Variants in SNRNP70 observed in about 807,000 individuals in gnomAD.
SNRNP70 encodes the protein small nuclear ribonucleoprotein U1 subunit 70.
SNRNP70 carries 8 observed loss-of-function variants against 50.5 expected under a neutral mutation model. That is an observed-to-expected ratio of 0.16 (90% CI 0.09 to 0.29). SNRNP70 has a LOEUF of 0.29. Among genes scored for constraint, SNRNP70 ranks in the 10% least tolerant of loss-of-function variants. The pLI, the probability that SNRNP70 is intolerant of heterozygous loss-of-function variation, is 1.00. For missense variants in SNRNP70, 529 were observed against 663.5 expected (o/e 0.80, Z 2.23); for synonymous variants, 320 against 252.9 (o/e 1.27, Z -2.52).
intron 7 of SNRNP70, 130 bp downstream of exon 7, chr19:49,101,601 CTG>C (rs2040587867): frequency 3.2e-6 from 2 of 618,180 alleles, no homozygotes; most frequent in African/African-American, 1.9e-5. Context: ...CCTCCTCCCT[CTG>C]TTTCTGATGT....
chr19:49,088,931 T>A (rs1038527304), intron 2 of SNRNP70, among the ~76,000 whole-genome samples: 5 of 152,184 alleles, frequency 3.3e-5, no homozygotes, highest in African/African-American at 9.7e-5. Context: ...TCACTGGCAC[T>A]CATAAGCAGG....
chr19:49,095,879 G>A (rs1306983495), intron 4 of SNRNP70, among the ~76,000 whole-genome samples: 1 of 150,430 alleles, frequency 6.6e-6, no homozygotes, highest in African/African-American at 2.4e-5. Context: ...GCATTTCCAG[G>A]CACATAGTAG....
In SNRNP70 at chr19:49,108,394, G is replaced by A. The variant is rs746059233; in HGVS notation, c.1265G>A (p.Gly422Asp). Residue 422 changes from glycine to aspartate, a missense_variant, in exon 10 of 10, where the codon GGC (glycine) becomes GAC (aspartate). Gly to Asp is a moderately conservative substitution (Grantham distance 94). Transcript: ENST00000598441. The part of the protein sequence containing the change: ...DMYMESEGGD[G>D]YLAPENGYLM... ...TACATGGAGTCTGAGGGCGGCGACG[G>A]CTACCTGGCTCCGGAGAATGGGTAT... 3.1e-6 allele frequency: 5 copies of A among 1,611,160 alleles called. No individual in the cohort carries two copies. The East Asian group carries it at 1.1e-4, about 36-fold the overall frequency.
At chr19:49,101,011 G>T (rs986979906) in intron 6 of SNRNP70, among the ~76,000 whole-genome samples, 8 of 152,144 alleles carry the variant, frequency 5.3e-5, no homozygotes, top group Middle Eastern at 3.4e-3. Context: ...GCCCACCTTT[G>T]TGGCTTCATC....
chr19:49,094,721 A>G (rs894730670), intron 4 of SNRNP70, among the ~76,000 whole-genome samples: 5 of 152,236 alleles, frequency 3.3e-5, no homozygotes, highest in African/African-American at 1.2e-4. Context: ...GTGCCTTGTC[A>G]CAATGAACAG....
chr19:49,103,492 T>TC (rs1005031298), intron 7 of SNRNP70: 349 of 143,678 alleles, frequency 2.4e-3, no homozygotes, highest in Admixed American at 6.2e-3. Context: ...CGGTCCCGTG[T>TC]CCCCCCCCCG....
At chr19:49,099,608 G>A (rs183858110) in intron 6 of SNRNP70, among the ~76,000 whole-genome samples, 41 of 151,834 alleles carry the variant, frequency 2.7e-4, no homozygotes, top group South Asian at 1.5e-3. Flanking sequence ...GCATGATAGC[G>A]GGCGCCCGTA....
intron 6 of SNRNP70, among the ~76,000 whole-genome samples, chr19:49,100,843 G>T (rs2040575272): frequency 6.7e-6 from 1 of 149,632 alleles, no homozygotes; most frequent in African/African-American, 2.5e-5. Context: ...CCGTCCCATT[G>T]GCATTCACAA....
intron 2 of SNRNP70, among the ~76,000 whole-genome samples, chr19:49,089,899 A>G (rs962911986): frequency 5.9e-5 from 9 of 151,756 alleles, no homozygotes; most frequent in Admixed American, 1.3e-4. Flanking sequence ...TCCTGACCTC[A>G]TGATCCGCCT....
intron 1 of SNRNP70, among the ~76,000 whole-genome samples, 188 bp from the exon 2 acceptor site, chr19:49,086,217 C>T (rs1472642217): frequency 6.6e-6 from 1 of 152,148 alleles, no homozygotes; most frequent in Non-Finnish European, 1.5e-5. Context: ...CTTTACCGGC[C>T]TTTCACCTCC....
At position 49,090,357 on chromosome 19, in the gene SNRNP70, T is replaced by C; in HGVS notation, c.210+4T>C. 1 of 1,613,960 alleles carries C rather than the reference T, an allele frequency of 6.2e-7. No individual in the cohort carries two copies. The highest frequency in any genetic ancestry group is 1.1e-5 in the South Asian group (1 of 91,064). On this transcript the variant is annotated splice_donor_region_variant and intron_variant, in intron 3 of 9. Coordinates refer to ENST00000598441, the MANE Select transcript of SNRNP70 (RefSeq NM_003089.6). ...AGAGGAGCGCATGGAGAGGAAAGTA[T>C]GTCATTTTTGCTTCCTGACCCCCTG...
At chr19:49,105,746 A>C (rs1046316041) in intron 8 of SNRNP70, among the ~76,000 whole-genome samples, 15 of 151,936 alleles carry the variant, frequency 9.9e-5, no homozygotes, top group Admixed American at 7.9e-4. Flanking sequence ...AAAAACAAAA[A>C]ACAAAAAAAC....
intron 4 of SNRNP70, among the ~76,000 whole-genome samples, chr19:49,095,950 T>C (rs1482079464): frequency 7.0e-6 from 1 of 143,680 alleles, no homozygotes; most frequent in Non-Finnish European, 1.5e-5. Context: ...GAATTACCTA[T>C]TGAATGAATG....
Position 49,104,778 on chromosome 19 carries a change from C to T in SNRNP70, c.577+43C>T, listed in dbSNP as rs1264845523. On this transcript the variant is annotated intron_variant, in intron 8 of 9. Coordinates refer to ENST00000598441, the MANE Select transcript of SNRNP70 (RefSeq NM_003089.6). This position sits in a 1 kb window ranked among gnomAD's most constrained non-coding sequence, Gnocchi z 5.4. ...TCGACGGGCTCTCGGGGGCCCTGGG[C>T]CTGGTGGCCTTGTTCTCCCTTCTCT... 1 of 1,314,722 alleles carries T rather than the reference C, an allele frequency of 7.6e-7. No homozygotes were observed. The highest frequency in any genetic ancestry group is 1.4e-5 in the South Asian group (1 of 71,806). 81.4% of individuals were successfully genotyped at this position (1,314,722 alleles called of 1,614,324 possible). A position where few individuals can be genotyped will look rare whatever the true frequency, so the allele number is the denominator to read the frequency against.
chr19:49,092,945 G>A (rs908867463), intron 4 of SNRNP70, among the ~76,000 whole-genome samples: 2 of 137,836 alleles, frequency 1.5e-5, no homozygotes, highest in African/African-American at 2.5e-5. Flanking sequence ...GGACAGGGTC[G>A]TGCTGTGTTG....
intron 4 of SNRNP70, among the ~76,000 whole-genome samples, chr19:49,094,288 T>G (rs2040486255): frequency 6.6e-6 from 1 of 152,150 alleles, no homozygotes; most frequent in African/African-American, 2.4e-5. Flanking sequence ...GAGGATTACT[T>G]GAGTGATCCA....
At chr19:49,086,734 G>A (rs1268607384) in intron 2 of SNRNP70, among the ~76,000 whole-genome samples, 173 bp downstream of exon 2, 2 of 152,096 alleles carry the variant, frequency 1.3e-5, no homozygotes. Context: ...GTCGGGTGTG[G>A]TCGAGTGCGT....
At position 49,098,455 on chromosome 19, in the gene SNRNP70, G is replaced by A. The variant is rs1273791957; in HGVS notation, c.294G>A (p.Gln98=). 2 of 1,613,756 alleles carry A rather than the reference G, an allele frequency of 1.2e-6. No individual in the cohort carries two copies. Among genetic ancestry groups the A allele is most frequent in the South Asian group, 2.2e-5 (2 of 91,036 alleles). Reference sequence around the variant, plus strand: ...ACCCTCACAATGATCCCAATGCTCAGGGGGATGCCTTCAAGACTCTCTTCG... The same window carrying A: ...ACCCTCACAATGATCCCAATGCTCAAGGGGATGCCTTCAAGACTCTCTTCG... ...MWDPHNDPNA[Q]GDAFKTLFVA... is the part of the protein sequence containing the mutation. Residue 98 remains glutamine, a synonymous_variant, in exon 5 of 10, where the codon CAG becomes CAA. Coordinates refer to ENST00000598441, the MANE Select transcript of SNRNP70 (RefSeq NM_003089.6).
rs1365311206 is a variant in SNRNP70, at chr19:49,104,888, A to T, written c.577+153A>T. 6.6e-6 allele frequency among the ~76,000 whole-genome samples: 1 copy of T among 151,962 alleles called. No homozygotes were observed. Among genetic ancestry groups the T allele is most frequent in the Non-Finnish European group, 1.5e-5 (1 of 67,978 alleles). On this transcript the variant is annotated intron_variant, in intron 8 of 9. Coordinates refer to ENST00000598441, the MANE Select transcript of SNRNP70 (RefSeq NM_003089.6). The surrounding 1 kb of genome is among the most constrained non-coding windows in gnomAD (Gnocchi z 5.4). ...GGCTTCTCTCTCTTGTGGCCATCAC[A>T]TTTCTGACAGCTGCCTGCCTCCTCG...
Sources: allele counts gnomAD v4.1 joint callset (sites outside exome capture counted in the v4.1 genomes callset), GRCh38; gene constraint gnomAD v4.1.1; non-coding constraint Gnocchi (gnomAD v3.1); transcripts MANE v1.5; gene names NCBI Gene and HGNC (gene_info 2026-07-23, HGNC 2026-07-21).